Variants in ATP8B4 observed in about 807,000 individuals in gnomAD.
The protein encoded by ATP8B4 is probable phospholipid-transporting ATPase IM.
In ATP8B4, 133 loss-of-function variants were observed where a neutral mutation model predicts 145.6. The ratio of observed to expected loss-of-function variants is 0.91; its 90% CI spans 0.79 to 1.05. The LOEUF (loss-of-function observed/expected upper bound fraction) is 1.05. ATP8B4 is among the 50% of genes least tolerant of loss of function. The pLI, the probability that ATP8B4 is intolerant of heterozygous loss-of-function variation, is 0.00. For synonymous variants in ATP8B4, 507 were observed against 492.9 expected, an observed-to-expected ratio of 1.03 and a Z score of -0.38; for missense variants, 1,458 against 1,425.2, an observed-to-expected ratio of 1.02 and a Z score of -0.37.
chr15:50,038,399 C>A (rs1195374742), intron 6 of ATP8B4, among the ~76,000 whole-genome samples: 1 of 152,166 alleles, frequency 6.6e-6, no homozygotes, highest in African/African-American at 2.4e-5. Context: ...AGAAGTCTCT[C>A]TAGCAATATT....
chr15:50,034,251 A>G (rs538473767), intron 6 of ATP8B4, among the ~76,000 whole-genome samples: 3 of 146,548 alleles, frequency 2.0e-5, no homozygotes, highest in African/African-American at 7.6e-5. Context: ...TTTTTTTTAG[A>G]AAGAGTTTCA....
chr15:50,147,311 G>A (rs761389060), intron 1 of ATP8B4, among the ~76,000 whole-genome samples: 10 of 151,684 alleles, frequency 6.6e-5, no homozygotes, highest in Non-Finnish European at 1.3e-4. Flanking sequence ...AGCTACTCAG[G>A]AGGCTGAGGC....
chr15:50,072,624 G>C (rs895276534), intron 3 of ATP8B4, among the ~76,000 whole-genome samples: 1 of 150,170 alleles, frequency 6.7e-6, no homozygotes, highest in Non-Finnish European at 1.5e-5. Flanking sequence ...TTTATCTTTT[G>C]TTTTTTTTTC....
At chr15:49,925,264 T>C (rs556520004) in intron 16 of ATP8B4, among the ~76,000 whole-genome samples, 2 of 152,220 alleles carry the variant, frequency 1.3e-5, no homozygotes, top group South Asian at 4.1e-4. Flanking sequence ...CAAAAAATAT[T>C]AGTTTGGAGA....
chr15:49,906,586 A>G (rs918865638), intron 20 of ATP8B4, among the ~76,000 whole-genome samples: 15 of 152,222 alleles, frequency 9.9e-5, no homozygotes, highest in Non-Finnish European at 2.1e-4. Flanking sequence ...GGAGAAAAAT[A>G]CAACGAAACT....
At chr15:49,865,306 C>T (rs1329863209) in intron 26 of ATP8B4, among the ~76,000 whole-genome samples, 1 of 152,220 alleles carries the variant, frequency 6.6e-6, no homozygotes, top group Non-Finnish European at 1.5e-5. Flanking sequence ...CATGGAAGTT[C>T]CACGCCCCTT....
chr15:49,879,351 T>C, intron 24 of ATP8B4, 25 bp downstream of exon 24: 2 of 1,577,472 alleles, frequency 1.3e-6, no homozygotes, highest in Non-Finnish European at 1.7e-6. Context: ...AGAAACTAAG[T>C]TATAAAGATG....
intron 8 of ATP8B4, 119 bp from the exon 9 acceptor site, chr15:49,996,878 C>T: frequency 1.5e-6 from 1 of 687,728 alleles, no homozygotes. Flanking sequence ...AAGAAACTCT[C>T]CTTTGAATGT....
chr15:49,998,763 T>C (rs2047638250), intron 8 of ATP8B4, among the ~76,000 whole-genome samples: 1 of 152,248 alleles, frequency 6.6e-6, no homozygotes. Context: ...ATTTGTCAAT[T>C]TTGGCTTTTG....
chr15:50,027,368 G>GGGATGGATGGGTGGAT (rs1567221952), intron 6 of ATP8B4, among the ~76,000 whole-genome samples: 1 of 53,158 alleles, frequency 1.9e-5, no homozygotes, highest in Non-Finnish European at 3.2e-5. Flanking sequence ...ATTTAAATAT[G>GGGATGGATGGGTGGAT]GGATGGATGG....
intron 3 of ATP8B4, among the ~76,000 whole-genome samples, chr15:50,072,994 A>ATG (rs1567306380): frequency 2.7e-5 from 1 of 36,644 alleles, no homozygotes; most frequent in African/African-American, 1.6e-4. Flanking sequence ...ATATATATAT[A>ATG]TATATATATA....
At chr15:50,112,719 G>A (rs1017150486) in intron 1 of ATP8B4, among the ~76,000 whole-genome samples, 3 of 152,058 alleles carry the variant, frequency 2.0e-5, no homozygotes, top group Non-Finnish European at 4.4e-5. Context: ...TCCAAGCTGT[G>A]TGAGGTTAAG....
At chr15:49,888,741 G>C (rs765474266) in intron 23 of ATP8B4, among the ~76,000 whole-genome samples, 3 of 152,278 alleles carry the variant, frequency 2.0e-5, no homozygotes, top group Non-Finnish European at 2.9e-5. Flanking sequence ...TCCTTAAAAA[G>C]AATCCATGAT....
intron 12 of ATP8B4, among the ~76,000 whole-genome samples, chr15:49,977,908 G>C (rs949534186): frequency 6.6e-6 from 1 of 152,122 alleles, no homozygotes; most frequent in Non-Finnish European, 1.5e-5. Context: ...CTAAGGCACA[G>C]AGAAGCCAAG....
At chr15:49,953,211 A>C (rs2043252244) in intron 14 of ATP8B4, among the ~76,000 whole-genome samples, 2 of 151,748 alleles carry the variant, frequency 1.3e-5, no homozygotes, top group Non-Finnish European at 2.9e-5. Context: ...AGCAGGACCC[A>C]TTTAACGAAG....
chr15:50,147,440 AAGT>A (rs1288291970), intron 1 of ATP8B4, among the ~76,000 whole-genome samples: 1 of 124,396 alleles, frequency 8.0e-6, no homozygotes, highest in Non-Finnish European at 1.8e-5. Context: ...AAAAAAAAAA[AAGT>A]ATATACTTCC....
chr15:50,090,050 A>G lies in ATP8B4; in HGVS notation c.29-15865T>C, dbSNP rs538915510. On this transcript the variant is annotated intron_variant, in intron 2 of 27. Transcript: ENST00000284509. ...TGCAGCCATAAAAAGGAATGAGATC[A>G]TGTCCTGTGCAGGGACACGGATGGA... is the stretch of plus-strand genomic sequence containing the variant. Among the ~76,000 whole-genome samples the G allele has an allele frequency of 1.0e-3, 152 of 152,300 alleles. 1 individual carries two copies. The highest frequency in any genetic ancestry group is 3.6e-3 in the African/African-American group (149 of 41,556).
At chr15:49,862,005 A>C (rs1461596794) in intron 27 of ATP8B4, among the ~76,000 whole-genome samples, 1 of 152,186 alleles carries the variant, frequency 6.6e-6, no homozygotes, top group African/African-American at 2.4e-5. Context: ...TACCCAGTTC[A>C]ACTTGTAATT....
At chr15:49,977,666 T>C (rs1164602352) in intron 12 of ATP8B4, among the ~76,000 whole-genome samples, 1 of 151,880 alleles carries the variant, frequency 6.6e-6, no homozygotes, top group Non-Finnish European at 1.5e-5. Context: ...GTATTCAGAG[T>C]TTTAAGGTAT....
Sources: gnomAD v4.1 joint callset for allele counts (sites outside exome capture counted in the v4.1 genomes callset) on GRCh38, gnomAD v4.1.1 for gene constraint, MANE v1.5 for transcripts, NCBI Gene and HGNC (gene_info 2026-07-23, HGNC 2026-07-21) for gene names.